The following ARMC3 variants were observed in gnomAD, a reference collection of about 807,000 sequenced individuals.
ARMC3 encodes armadillo repeat containing 3, also known as armadillo repeat-containing protein 3.
In ARMC3, 74 loss-of-function variants were observed where a neutral mutation model predicts 90.3. The ratio of observed to expected loss-of-function variants is 0.82; its 90% confidence interval spans 0.68 to 0.99. The LOEUF is 0.99. ARMC3 is among the 50% of genes least tolerant of loss of function. The pLI, the probability that ARMC3 is intolerant of heterozygous loss-of-function variation, is 0.00. For missense variants in ARMC3, 958 were observed against 1,042.8 expected, an observed-to-expected ratio of 0.92 and a Z score of 1.12; for synonymous variants, 334 against 361.8, an observed-to-expected ratio of 0.92 and a Z score of 0.87.
Position 23,006,982 on chromosome 10 carries a change from G to C in ARMC3, c.1829+1G>C. 6.3e-7 allele frequency: 1 copy of C among 1,599,580 alleles called. No individual in the cohort carries two copies. On this transcript the variant is annotated splice_donor_variant, in intron 14 of 18. Coordinates refer to ENST00000298032, the MANE Select transcript of ARMC3 (RefSeq NM_173081.5). LOFTEE classifies it high-confidence loss of function. ...TCTTAATCAACAGTAAATCTTACGT[G>C]TGAGTCTCTGCAGGGAGAGGGGATG...
intron 8 of ARMC3, among the ~76,000 whole-genome samples, chr10:22,974,668 A>C (rs796141911): frequency 1.3e-5 from 2 of 151,190 alleles, no homozygotes; most frequent in African/African-American, 4.9e-5. Context: ...TTTGAGACTG[A>C]GTCTCGCTCT....
At chr10:23,027,252 A>G (rs1215179453) in intron 16 of ARMC3, among the ~76,000 whole-genome samples, 1 of 152,202 alleles carries the variant, frequency 6.6e-6, no homozygotes, top group Non-Finnish European at 1.5e-5. Flanking sequence ...CAAATCCATG[A>G]ACACAATACG....
At chr10:22,999,537 A>G (rs1424547459) in intron 11 of ARMC3, among the ~76,000 whole-genome samples, 1 of 152,266 alleles carries the variant, frequency 6.6e-6, no homozygotes, top group Non-Finnish European at 1.5e-5. Context: ...CCATAAAAAT[A>G]ACAAAACCAA....
intron 16 of ARMC3, among the ~76,000 whole-genome samples, chr10:23,027,106 C>T (rs1170545412): frequency 5.9e-5 from 9 of 152,024 alleles, no homozygotes; most frequent in East Asian, 1.9e-4. Flanking sequence ...TCCTAAAATC[C>T]GTGCCTTTTC....
chr10:22,931,871 T>C, intron 1 of ARMC3, 125 bp from the exon 2 acceptor site: 1 of 701,800 alleles, frequency 1.4e-6, no homozygotes, highest in East Asian at 2.8e-5. Context: ...AATTTTTACA[T>C]GTATTGCATT....
intron 10 of ARMC3, among the ~76,000 whole-genome samples, chr10:22,994,132 TCTC>T (rs1173446535): frequency 6.6e-6 from 1 of 152,206 alleles, no homozygotes; most frequent in Admixed American, 6.5e-5. Context: ...TAAAAAGAAA[TCTC>T]CTTTGGGGAT....
chr10:23,030,649 T>C lies in ARMC3; in HGVS notation c.2099T>C (p.Met700Thr). The part of the protein sequence containing the change: ...EEKVKEEEEV[M>T]VVPKFVGEGS... ...AAAGTGAAAGAGGAGGAAGAGGTTA[T>C]GGTGGTACCAAAATTTGTTGGTGAA... Residue 700 changes from methionine (M) to threonine (T), a missense_variant, in exon 17 of 19, where the codon ATG (methionine) becomes ACG (threonine). By Grantham distance (81) the Met-to-Thr change is moderately conservative. Coordinates refer to ENST00000298032, the MANE Select transcript of ARMC3 (RefSeq NM_173081.5). 3 of 1,613,774 alleles carry C rather than the reference T, an allele frequency of 1.9e-6. No homozygotes were observed. Among genetic ancestry groups the C allele is most frequent in the Non-Finnish European group, 2.5e-6 (3 of 1,179,840 alleles).
At chr10:22,947,483 T>C (rs1834577779) in intron 3 of ARMC3, among the ~76,000 whole-genome samples, 1 of 152,218 alleles carries the variant, frequency 6.6e-6, no homozygotes, top group Non-Finnish European at 1.5e-5. Flanking sequence ...ATCAGACAAA[T>C]CCCGGTTCAG....
intron 16 of ARMC3, among the ~76,000 whole-genome samples, chr10:23,014,888 AC>A (rs1564397861): frequency 6.9e-6 from 1 of 144,226 alleles, no homozygotes; most frequent in Admixed American, 6.9e-5. Flanking sequence ...GATAATCTGT[AC>A]AAAAAAAAAA....
At chr10:23,007,043 C>T (rs1837651280) in intron 14 of ARMC3, 62 bp downstream of exon 14, 30 of 1,340,600 alleles carry the variant, frequency 2.2e-5, no homozygotes, top group Non-Finnish European at 3.1e-5. Flanking sequence ...TGTTGTTTCT[C>T]CACCAACGTG....
At chr10:22,982,945 T>C (rs944242440) in intron 10 of ARMC3, among the ~76,000 whole-genome samples, 7 of 152,172 alleles carry the variant, frequency 4.6e-5, no homozygotes, top group African/African-American at 1.7e-4. Flanking sequence ...ATAAGAGGAA[T>C]GCATTAAGTG....
intron 2 of ARMC3, among the ~76,000 whole-genome samples, chr10:22,933,812 G>A (rs945499479): frequency 6.6e-6 from 1 of 152,150 alleles, no homozygotes; most frequent in Non-Finnish European, 1.5e-5. Flanking sequence ...GTGAACCTGG[G>A]AGGCGGAGTT....
At chr10:22,989,482 T>C (rs1287784861) in intron 10 of ARMC3, among the ~76,000 whole-genome samples, 1 of 151,320 alleles carries the variant, frequency 6.6e-6, no homozygotes, top group Non-Finnish European at 1.5e-5. Flanking sequence ...CTTTGTATAA[T>C]AGATTTTGTT....
intron 16 of ARMC3, among the ~76,000 whole-genome samples, chr10:23,030,247 C>T (rs774247732): frequency 1.5e-4 from 23 of 152,142 alleles, no homozygotes; most frequent in Non-Finnish European, 3.1e-4. Context: ...GAATTGGTTT[C>T]ATGAAGCCCT....
chr10:22,948,606 C>T (rs1319072627), intron 3 of ARMC3, among the ~76,000 whole-genome samples: 1 of 151,982 alleles, frequency 6.6e-6, no homozygotes, highest in African/African-American at 2.4e-5. Flanking sequence ...TATGAAATAA[C>T]AGTTGACAAG....
At chr10:22,982,063 A>G (rs924413801) in intron 10 of ARMC3, among the ~76,000 whole-genome samples, 7 of 152,208 alleles carry the variant, frequency 4.6e-5, no homozygotes, top group African/African-American at 1.7e-4. Context: ...TCCATCTTAA[A>G]AGGGTATAAA....
At chr10:23,032,653 T>C (rs1439730246) in intron 17 of ARMC3, among the ~76,000 whole-genome samples, 2 of 152,216 alleles carry the variant, frequency 1.3e-5, no homozygotes, top group Non-Finnish European at 2.9e-5. Context: ...TGCTAGAATT[T>C]CAGTTTATAT....
chr10:22,965,449 T>C (rs1221598891), intron 7 of ARMC3, among the ~76,000 whole-genome samples: 1 of 152,194 alleles, frequency 6.6e-6, no homozygotes, highest in Non-Finnish European at 1.5e-5. Context: ...GTGTCACTTT[T>C]CTTTGGCTGC....
intron 18 of ARMC3, among the ~76,000 whole-genome samples, chr10:23,033,232 C>A (rs1838989917): frequency 6.6e-6 from 1 of 152,016 alleles, no homozygotes; most frequent in East Asian, 1.9e-4. Context: ...CACATACCTG[C>A]CTATATAGTC....
Sources: gnomAD v4.1 joint callset for allele counts (sites outside exome capture counted in the v4.1 genomes callset) on GRCh38, gnomAD v4.1.1 for gene constraint, MANE v1.5 for transcripts, NCBI Gene and HGNC (gene_info 2026-07-23, HGNC 2026-07-21) for gene names.